The following TIPRL variants were observed in gnomAD, a reference collection of about 807,000 sequenced individuals.
The protein encoded by TIPRL is TOR signaling pathway regulator, also known as TIP41-like protein.
TIPRL carries 10 observed loss-of-function variants against 32.3 expected under a neutral mutation model. The observed-to-expected ratio is 0.31, with a 90% confidence interval of 0.19 to 0.52. The LOEUF is 0.52. Ranked by LOEUF, TIPRL falls within the 20% of genes least tolerant of loss-of-function variation. The probability of loss-of-function intolerance (pLI) is 0.96; values close to 1 mark genes in which losing one functional copy is unlikely to be tolerated. For synonymous variants in TIPRL, 100 were observed against 114.0 expected (o/e 0.88, Z 0.78); for missense variants, 250 against 328.1 (o/e 0.76, Z 1.84).
Position 168,200,242 on chromosome 1 carries a change from T to G in TIPRL, c.*196T>G, listed in dbSNP as rs1700195781. 3.9e-6 allele frequency: 2 copies of G among 518,484 alleles called. No individual in the cohort carries two copies. Among genetic ancestry groups the G allele is most frequent in the Non-Finnish European group, 6.6e-6 (2 of 302,282 alleles). 32.1% of individuals were successfully genotyped at this position (518,484 alleles called of 1,614,324 possible). A position where few individuals can be genotyped will look rare whatever the true frequency, so the allele number is the denominator to read the frequency against. Reference sequence around the variant, plus strand: ...TGTACTGTCTGTCTTCACATTCATATTCCAGATTTATATTTTCTGGAGTTA... The same window carrying G: ...TGTACTGTCTGTCTTCACATTCATAGTCCAGATTTATATTTTCTGGAGTTA... On this transcript the variant is annotated 3_prime_UTR_variant, in exon 7 of 7. Transcript: ENST00000367833.
intron 4 of TIPRL, among the ~76,000 whole-genome samples, chr1:168,195,695 T>G (rs1700145783): frequency 1.3e-5 from 2 of 152,094 alleles, no homozygotes; most frequent in Admixed American, 1.3e-4. Context: ...AGCTTAGCCT[T>G]CCACGTAGCT....
At chr1:168,189,492 C>G (rs1044170653) in intron 3 of TIPRL, among the ~76,000 whole-genome samples, 1 of 152,092 alleles carries the variant, frequency 6.6e-6, no homozygotes, top group Non-Finnish European at 1.5e-5. Flanking sequence ...ATTACAGGTG[C>G]CTGCCACCAC....
intron 1 of TIPRL, among the ~76,000 whole-genome samples, chr1:168,180,676 G>T (rs560491181): frequency 6.6e-6 from 1 of 152,208 alleles, no homozygotes; most frequent in East Asian, 1.9e-4. Flanking sequence ...AAGAAAATAA[G>T]TGGTAATATT....
At chr1:168,179,307 C>T (rs1437890820) in intron 1 of TIPRL, 126 bp downstream of exon 1, 1 of 718,256 alleles carries the variant, frequency 1.4e-6, no homozygotes, top group African/African-American at 1.8e-5. Flanking sequence ...CGGACCGGAC[C>T]TTTGATTGAC....
intron 4 of TIPRL, among the ~76,000 whole-genome samples, chr1:168,191,858 C>CAAAAAA (rs60988834): frequency 1.2e-3 from 48 of 38,822 alleles, no homozygotes; most frequent in Admixed American, 1.8e-3. Context: ...GGCGACAGAG[C>CAAAAAA]AAAAAAAAAA....
intron 1 of TIPRL, among the ~76,000 whole-genome samples, chr1:168,182,989 T>G (rs576441697): frequency 6.6e-6 from 1 of 152,122 alleles, no homozygotes; most frequent in Admixed American, 6.5e-5. Flanking sequence ...TTGTTAACAT[T>G]GTGCAGTCCT....
At chr1:168,196,759 T>A in intron 5 of TIPRL, 117 bp downstream of exon 5, 1 of 583,730 alleles carries the variant, frequency 1.7e-6, no homozygotes, top group Non-Finnish European at 2.7e-6. Flanking sequence ...TCTTTCTAAC[T>A]GTTAAGTCTG....
intron 6 of TIPRL, among the ~76,000 whole-genome samples, chr1:168,199,554 G>C (rs1004518185): frequency 1.3e-5 from 2 of 152,126 alleles, no homozygotes; most frequent in African/African-American, 4.8e-5. Context: ...GAACAGAAAA[G>C]TTACTACTTA....
At chr1:168,187,643 G>T (rs567809721) in intron 3 of TIPRL, among the ~76,000 whole-genome samples, 2 of 152,222 alleles carry the variant, frequency 1.3e-5, no homozygotes, top group East Asian at 1.9e-4. Flanking sequence ...CAGTCACTTT[G>T]TTAAACTAGG....
At chr1:168,195,651 T>C (rs1385877942) in intron 4 of TIPRL, among the ~76,000 whole-genome samples, 1 of 152,214 alleles carries the variant, frequency 6.6e-6, no homozygotes, top group Non-Finnish European at 1.5e-5. Flanking sequence ...CATGGCTCAC[T>C]GCAGCCTATC....
At chr1:168,199,008 A>G in intron 6 of TIPRL, 27 bp downstream of exon 6, 1 of 1,567,658 alleles carries the variant, frequency 6.4e-7, no homozygotes, top group Admixed American at 1.7e-5. Context: ...CAGTTTTTAG[A>G]AGTTAATTTT....
chr1:168,193,203 T>G (rs1700118970), intron 4 of TIPRL, among the ~76,000 whole-genome samples: 1 of 152,118 alleles, frequency 6.6e-6, no homozygotes, highest in South Asian at 2.1e-4. Context: ...ATAAAAAATT[T>G]TATTTTTCTT....
At chr1:168,194,858 A>AT (rs1028351970) in intron 4 of TIPRL, among the ~76,000 whole-genome samples, 5 of 152,202 alleles carry the variant, frequency 3.3e-5, no homozygotes, top group Non-Finnish European at 7.4e-5. Flanking sequence ...CAAAGCAGAT[A>AT]TTTCCACCAC....
rs940040622 is a variant in TIPRL at position 168,201,667 on chromosome 1, T to A, written c.*1621T>A. The A allele has an allele frequency of 1.6e-4, 25 of 152,006 alleles. 1 individual carries two copies. Among genetic ancestry groups the A allele is most frequent in the African/African-American group, 6.0e-4 (25 of 41,436 alleles). The allele number at this position is 152,006 out of a possible 1,614,324, so 9.4% of individuals were successfully genotyped here. ...GTTGTGTTCAGCTTTCTGTTTTATATTATTTGCCATTGAGATTAGAATAGA... is the reference window on the plus strand; with the variant it reads ...GTTGTGTTCAGCTTTCTGTTTTATAATATTTGCCATTGAGATTAGAATAGA... On this transcript the variant is annotated 3_prime_UTR_variant, in exon 7 of 7. Transcript: ENST00000367833.
rs1022935740 is a variant in TIPRL, at chr1:168,194,578, T to C, written c.517-1969T>C. Among the ~76,000 whole-genome samples the C allele has an allele frequency of 2.6e-5, 4 of 152,256 alleles. No homozygotes were observed. The East Asian group carries it at 7.7e-4, about 29-fold the overall frequency. Reference sequence around the variant, plus strand: ...TTTTTCCATAAATTACACATATCACTGTGTAGTAATGTCAAATAATAATGA... The same window carrying C: ...TTTTTCCATAAATTACACATATCACCGTGTAGTAATGTCAAATAATAATGA... On this transcript the variant is annotated intron_variant, in intron 4 of 6. Transcript: ENST00000367833.
intron 3 of TIPRL, among the ~76,000 whole-genome samples, chr1:168,187,311 G>T (rs1387822536): frequency 6.6e-6 from 1 of 152,208 alleles, no homozygotes; most frequent in Non-Finnish European, 1.5e-5. Flanking sequence ...TAATGATGAT[G>T]ACTTACTTTG....
chr1:168,195,243 A>AT (rs1235721543), intron 4 of TIPRL, among the ~76,000 whole-genome samples: 1 of 152,092 alleles, frequency 6.6e-6, no homozygotes, highest in Non-Finnish European at 1.5e-5. Flanking sequence ...ATATGTTATT[A>AT]TTTCATGTCT....
intron 5 of TIPRL, 29 bp from the exon 6 acceptor site, chr1:168,198,890 T>G: frequency 6.3e-7 from 1 of 1,586,310 alleles, no homozygotes; most frequent in Non-Finnish European, 8.6e-7. Flanking sequence ...ATAATTAAAT[T>G]TATTGCAACT....
chr1:168,186,696 C>T (rs1003033098), intron 3 of TIPRL, among the ~76,000 whole-genome samples: 2 of 151,770 alleles, frequency 1.3e-5, no homozygotes, highest in Non-Finnish European at 2.9e-5. Flanking sequence ...CCGAGGCAGG[C>T]AGATCACCTG....
Sources: gnomAD v4.1 joint callset for allele counts (sites outside exome capture counted in the v4.1 genomes callset) on GRCh38, gnomAD v4.1.1 for gene constraint, MANE v1.5 for transcripts, NCBI Gene and HGNC (gene_info 2026-07-23, HGNC 2026-07-21) for gene names.